Variants in CUL1 observed in about 807,000 individuals in gnomAD.
CUL1 encodes the protein cullin-1.
Under a neutral mutation model 118.0 loss-of-function variants are expected in CUL1, and 24 were observed. That is an observed-to-expected ratio of 0.20 (90% CI 0.15 to 0.29). The LOEUF is 0.29. CUL1 is among the 10% of genes least tolerant of loss of function. CUL1 has a pLI of 1.00. For missense variants in CUL1, 361 were observed against 933.8 expected, an observed-to-expected ratio of 0.39 and a Z score of 7.99; for synonymous variants, 332 against 340.4, an observed-to-expected ratio of 0.98 and a Z score of 0.27.
intron 14 of CUL1, among the ~76,000 whole-genome samples, chr7:148,789,358 G>C (rs532359064): frequency 6.6e-5 from 10 of 152,072 alleles, no homozygotes; most frequent in Non-Finnish European, 1.3e-4. Context: ...TGAAGTTAGC[G>C]GTTTTCTCCT....
At chr7:148,774,644 C>T (rs1230838279) in intron 9 of CUL1, among the ~76,000 whole-genome samples, 1 of 152,122 alleles carries the variant, frequency 6.6e-6, no homozygotes, top group Non-Finnish European at 1.5e-5. Flanking sequence ...GCAGAAGTAG[C>T]AACAAAAAAG....
At chr7:148,768,649 T>G (rs1245336536) in intron 9 of CUL1, among the ~76,000 whole-genome samples, 4 of 152,120 alleles carry the variant, frequency 2.6e-5, no homozygotes, top group Non-Finnish European at 2.9e-5. Context: ...CCTCCCAAAG[T>G]GCTGAGATTA....
intron 2 of CUL1, among the ~76,000 whole-genome samples, chr7:148,741,971 A>G (rs568080602): frequency 6.8e-4 from 104 of 152,352 alleles, no homozygotes; most frequent in African/African-American, 2.3e-3. Flanking sequence ...ATTGAAAATC[A>G]GGTCCACAGA....
chr7:148,769,527 G>T (rs1800139098), intron 9 of CUL1, among the ~76,000 whole-genome samples: 1 of 151,718 alleles, frequency 6.6e-6, no homozygotes, highest in Admixed American at 6.6e-5. Context: ...TGCCTTCCCA[G>T]TTGTTGATTC....
At chr7:148,745,250 A>G (rs1427717741) in intron 2 of CUL1, among the ~76,000 whole-genome samples, 2 of 152,106 alleles carry the variant, frequency 1.3e-5, no homozygotes. Flanking sequence ...TTGATTATGA[A>G]CATATTTTTC....
At chr7:148,777,881 C>G (rs1349434164) in intron 9 of CUL1, among the ~76,000 whole-genome samples, 2 of 151,398 alleles carry the variant, frequency 1.3e-5, no homozygotes, top group African/African-American at 4.9e-5. Flanking sequence ...GTCTGGCCAA[C>G]ATGGTGAAAT....
intron 1 of CUL1, among the ~76,000 whole-genome samples, chr7:148,707,666 G>GT (rs142529913): frequency 0.018 from 2,745 of 152,172 alleles, 66 homozygotes; most frequent in African/African-American, 0.062. Context: ...ACAGGCCCCA[G>GT]TGAGTGTTGT....
chr7:148,788,661 A>G lies in CUL1; in HGVS notation c.1584A>G (p.Ser528=). ...NEQFKKHLTN[S]EPLDLDFSIQ... is the part of the protein sequence containing the mutation. ...AATTCAAAAAGCACTTGACAAACTC[A>G]GAACCCCTAGACTGTGAGTATCCGT... The change falls in exon 14 of 22, where the codon TCA becomes TCG. Residue 528 remains serine, a synonymous_variant. Transcript: ENST00000325222. The G allele has an allele frequency of 6.2e-7, 1 of 1,607,874 alleles. No homozygotes were observed. Among genetic ancestry groups the G allele is most frequent in the Non-Finnish European group, 8.5e-7 (1 of 1,174,316 alleles).
intron 7 of CUL1, among the ~76,000 whole-genome samples, chr7:148,765,885 A>G (rs1198999122): frequency 6.6e-6 from 1 of 152,238 alleles, no homozygotes; most frequent in East Asian, 1.9e-4. Context: ...ACCACATCTT[A>G]GTATCTGCAC....
At chr7:148,772,381 C>T (rs1800241367) in intron 9 of CUL1, among the ~76,000 whole-genome samples, 1 of 151,490 alleles carries the variant, frequency 6.6e-6, no homozygotes, top group Non-Finnish European at 1.5e-5. Flanking sequence ...CACTGCTGCA[C>T]TCCAGCCTGG....
chr7:148,791,593 G>C (rs956367921), intron 16 of CUL1, among the ~76,000 whole-genome samples: 1 of 152,224 alleles, frequency 6.6e-6, no homozygotes, highest in Non-Finnish European at 1.5e-5. Flanking sequence ...TGTTAAGGCA[G>C]CCCGGAGCGG....
chr7:148,732,793 T>C (rs1357929242), intron 2 of CUL1, among the ~76,000 whole-genome samples: 3 of 152,240 alleles, frequency 2.0e-5, no homozygotes, highest in Non-Finnish European at 4.4e-5. Context: ...TTGTAGTTGT[T>C]TTGGTACCTG....
At chr7:148,725,521 A>G (rs1016015368) in intron 1 of CUL1, among the ~76,000 whole-genome samples, 1 of 152,130 alleles carries the variant, frequency 6.6e-6, no homozygotes, top group African/African-American at 2.4e-5. Context: ...CTGGCTCTAT[A>G]GGGCCTACAT....
At chr7:148,770,632 G>T (rs61541746) in intron 9 of CUL1, among the ~76,000 whole-genome samples, 2 of 152,010 alleles carry the variant, frequency 1.3e-5, no homozygotes, top group Non-Finnish European at 2.9e-5. Context: ...TGGGTTCCTC[G>T]TGCCCTTCCC....
rs138959099 is a variant in CUL1, at chr7:148,793,018, G to A, written c.1899+200G>A. Among the ~76,000 whole-genome samples, 525 of 152,306 alleles carry A rather than the reference G, an allele frequency of 3.4e-3. 6 individuals are homozygous for A. The highest frequency in any genetic ancestry group is 0.012 in the African/African-American group (489 of 41,572). On this transcript the variant is annotated intron_variant, in intron 17 of 21. Coordinates refer to ENST00000325222, the MANE Select transcript of CUL1 (RefSeq NM_003592.3). Reference sequence around the variant, plus strand: ...CATGTTAAAACTCATTGTTGAGCCAGGCATGGTGGCACATGCCTGTAGTCC... The same window carrying A: ...CATGTTAAAACTCATTGTTGAGCCAAGCATGGTGGCACATGCCTGTAGTCC...
At chr7:148,790,591 C>T in intron 16 of CUL1, 150 bp downstream of exon 16, 1 of 693,248 alleles carries the variant, frequency 1.4e-6, no homozygotes, top group Non-Finnish European at 2.4e-6. Flanking sequence ...TTGTAAGAAT[C>T]AGATGAACCA....
intron 9 of CUL1, among the ~76,000 whole-genome samples, chr7:148,782,116 G>A (rs187875455): frequency 2.1e-3 from 323 of 152,282 alleles, no homozygotes; most frequent in Non-Finnish European, 3.9e-3. Flanking sequence ...TGTAACAGAA[G>A]GAAGGCAGAG....
intron 17 of CUL1, among the ~76,000 whole-genome samples, chr7:148,793,277 C>T (rs752395372): frequency 6.6e-6 from 1 of 152,076 alleles, no homozygotes; most frequent in Non-Finnish European, 1.5e-5. Flanking sequence ...ATTATTTTTC[C>T]TGCTAGCCAT....
chr7:148,786,664 A>T, intron 12 of CUL1, 65 bp downstream of exon 12: 1 of 1,319,842 alleles, frequency 7.6e-7, no homozygotes, highest in Non-Finnish European at 1.1e-6. Context: ...TTGTAATGTT[A>T]TTTGTAGATG....
Sources: allele counts gnomAD v4.1 joint callset (sites outside exome capture counted in the v4.1 genomes callset), GRCh38; gene constraint gnomAD v4.1.1; transcripts MANE v1.5; gene names NCBI Gene and HGNC (gene_info 2026-07-23, HGNC 2026-07-21).